Variants in TMEM168 observed in about 807,000 individuals in gnomAD.
TMEM168 encodes the protein transmembrane protein 168.
Under a neutral mutation model 53.2 loss-of-function variants are expected in TMEM168, and 40 were observed. That is an observed-to-expected ratio of 0.75 (90% CI 0.58 to 0.98). The LOEUF is 0.98. TMEM168 is among the 50% of genes least tolerant of loss of function. The pLI is 0.00. For missense variants in TMEM168, 771 were observed against 828.8 expected, an observed-to-expected ratio of 0.93 and a Z score of 0.86; for synonymous variants, 282 against 293.0, an observed-to-expected ratio of 0.96 and a Z score of 0.38.
chr7:112,790,123 G>T (rs1793508074), intron 1 of TMEM168, 37 bp downstream of exon 1: 3 of 152,514 alleles, frequency 2.0e-5, no homozygotes, highest in African/African-American at 7.2e-5. Context: ...TCTATGCCTA[G>T]ATCTCGCCGC....
At chr7:112,776,237 A>G (rs991889597) in intron 2 of TMEM168, among the ~76,000 whole-genome samples, 3 of 151,968 alleles carry the variant, frequency 2.0e-5, no homozygotes, top group South Asian at 4.1e-4. Context: ...AAAATTTAAC[A>G]GAAGAAAATA....
intron 2 of TMEM168, among the ~76,000 whole-genome samples, chr7:112,778,809 T>C (rs1309105518): frequency 6.6e-6 from 1 of 152,182 alleles, no homozygotes; most frequent in Non-Finnish European, 1.5e-5. Flanking sequence ...TAAGTAGATA[T>C]TTAGGGGTCT....
In TMEM168 at chr7:112,765,577, A is replaced by AACT. The variant is rs1792754933; in HGVS notation, c.*1617_*1619dup. The AACT allele has an allele frequency of 6.6e-6, 1 of 152,164 alleles. No homozygotes were observed. Among genetic ancestry groups the AACT allele is most frequent in the South Asian group, 2.1e-4 (1 of 4,834 alleles). The allele number at this position is 152,164 out of a possible 1,614,324, so 9.4% of individuals were successfully genotyped here. On this transcript the variant is annotated 3_prime_UTR_variant, in exon 5 of 5. Transcript: ENST00000312814. ...TACTGCTGAACAGAGCAATAAAAAA[A>AACT]ACTATACTATTTTATTTGGACAATA...
intron 4 of TMEM168, among the ~76,000 whole-genome samples, chr7:112,770,251 G>C (rs1470595812): frequency 6.6e-6 from 1 of 152,168 alleles, no homozygotes; most frequent in Non-Finnish European, 1.5e-5. Context: ...GGTTCAACCT[G>C]ACTACCCACA....
At position 112,784,527 on chromosome 7, in the gene TMEM168, C is replaced by A; in HGVS notation, c.299G>T (p.Gly100Val). The A allele has an allele frequency of 6.2e-7, 1 of 1,614,102 alleles. No individual in the cohort carries two copies. Among genetic ancestry groups the A allele is most frequent in the Non-Finnish European group, 8.5e-7 (1 of 1,180,008 alleles). Reference sequence around the variant, plus strand: ...AAAACATAGGAGGCCAAGCAAGAATCCAAACCAAAGATTGGAGAGACTTAA... The same window carrying A: ...AAAACATAGGAGGCCAAGCAAGAATACAAACCAAAGATTGGAGAGACTTAA... ...ASLSLSNLWF[G>V]FLLGLLCFLD... The change falls in exon 2 of 5, where the codon GGA (glycine) becomes GTA (valine). Residue 100 changes from glycine (G) to valine (V), a missense_variant. By Grantham distance (109) the Gly-to-Val change is moderately radical. Transcript: ENST00000312814.
intron 2 of TMEM168, among the ~76,000 whole-genome samples, chr7:112,775,713 G>T (rs895040757): frequency 4.0e-5 from 6 of 151,592 alleles, no homozygotes; most frequent in African/African-American, 1.5e-4. Flanking sequence ...TCAAATAACA[G>T]ATTTATTTAC....
In TMEM168 at chr7:112,767,540, T is replaced by C; in HGVS notation, c.1751A>G (p.Gln584Arg). Residue 584 changes from glutamine to arginine, a missense_variant, in exon 5 of 5, where the codon CAG becomes CGG. Physicochemically the swap from Gln to Arg is conservative, Grantham distance 43. Transcript: ENST00000312814. ...CCAGTCTTTTGTAAAGTCACCTAGCTGTGGCGGGTCAGCTTCTTCAATATC... is the reference window on the plus strand; with the variant it reads ...CCAGTCTTTTGTAAAGTCACCTAGCCGTGGCGGGTCAGCTTCTTCAATATC... ...TVDIEEADPP[Q>R]LGDFTKDWVE... is the part of the protein sequence containing the mutation. 3.7e-6 allele frequency: 6 copies of C among 1,614,168 alleles called. No individual in the cohort carries two copies. The highest frequency in any genetic ancestry group is 5.1e-6 in the Non-Finnish European group (6 of 1,180,016).
intron 4 of TMEM168, among the ~76,000 whole-genome samples, chr7:112,770,608 A>ATATG (rs147230528): frequency 4.0e-5 from 6 of 149,322 alleles, no homozygotes; most frequent in Admixed American, 3.3e-4. Context: ...AGATATATAT[A>ATATG]TGTGTGTGTG....
intron 4 of TMEM168, among the ~76,000 whole-genome samples, chr7:112,769,694 T>C (rs1792881136): frequency 6.6e-6 from 1 of 152,176 alleles, no homozygotes; most frequent in African/African-American, 2.4e-5. Context: ...CTAATATCCA[T>C]CTGATGCATT....
At chr7:112,771,892 T>C (rs1479481307) in intron 4 of TMEM168, among the ~76,000 whole-genome samples, 6 of 152,066 alleles carry the variant, frequency 3.9e-5, no homozygotes, top group Admixed American at 6.5e-5. Context: ...AAAATAACTA[T>C]TTCTAATCTA....
chr7:112,773,502 T>C (rs910793435), intron 3 of TMEM168, among the ~76,000 whole-genome samples: 1 of 151,982 alleles, frequency 6.6e-6, no homozygotes, highest in African/African-American at 2.4e-5. Context: ...TATTGAAAAA[T>C]AGTCAATAAA....
At chr7:112,780,917 T>C (rs1245831766) in intron 2 of TMEM168, among the ~76,000 whole-genome samples, 1 of 125,134 alleles carries the variant, frequency 8.0e-6, no homozygotes, top group Non-Finnish European at 1.6e-5. Flanking sequence ...GTGGTAGTGG[T>C]GGTCACACAA....
At position 112,784,488 on chromosome 7, in the gene TMEM168, G is replaced by A. The variant is rs1439298348; in HGVS notation, c.338C>T (p.Ser113Phe). Reference protein sequence around the residue: ...LGLLCFLDNSSFKNDVKEEST... With the variant: ...LGLLCFLDNSFFKNDVKEEST... ...TTCTTCTTTTACATCATTTTTAAAG[G>A]ATGAATTATCAAGAAAACATAGGAG... Residue 113 changes from serine (S) to phenylalanine (F), a missense_variant, in exon 2 of 5, where the codon TCC becomes TTC. Ser to Phe is a radical substitution (Grantham distance 155, BLOSUM62 -2). Coordinates refer to ENST00000312814, the MANE Select transcript of TMEM168 (RefSeq NM_022484.6). 1 of 1,613,976 alleles carries A rather than the reference G, an allele frequency of 6.2e-7. No individual in the cohort carries two copies. Among genetic ancestry groups the A allele is most frequent in the South Asian group, 1.1e-5 (1 of 91,058 alleles).
chr7:112,775,202 A>G lies in TMEM168; in HGVS notation c.1245T>C (p.Ala415=), dbSNP rs746304572. ...NCLGGTSVGY[A]IVIPTNFCSP... is the part of the protein sequence containing the mutation. ...TGCAGAAGTTGGTGGGAATCACAAT[A>G]GCATATCCAACAGATGTTCCTCCTA... The change falls in exon 3 of 5, where the codon GCT becomes GCC. Residue 415 remains alanine (A), a synonymous_variant. Transcript: ENST00000312814. 6.2e-7 allele frequency: 1 copy of G among 1,612,160 alleles called. No individual in the cohort carries two copies. The highest frequency in any genetic ancestry group is 1.7e-5 in the Admixed American group (1 of 59,784).
Position 112,782,718 on chromosome 7 carries a change from C to T in TMEM168, c.1128+980G>A, listed in dbSNP as rs1316860881. Among the ~76,000 whole-genome samples the T allele has an allele frequency of 3.3e-5, 5 of 152,306 alleles. No individual in the cohort carries two copies. In the South Asian group the frequency reaches 8.3e-4, roughly 25 times the overall value. ...CTTCAAAACACACTTCTAGAAATCA[C>T]TCAGCAGCAACAAACTGTTACAAAG... On this transcript the variant is annotated intron_variant, in intron 2 of 4. Coordinates refer to ENST00000312814, the MANE Select transcript of TMEM168 (RefSeq NM_022484.6).
In TMEM168 at chr7:112,773,064, G is replaced by A. The variant is rs779054316; in HGVS notation, c.1272-9C>T. 1 of 1,579,998 alleles carries A rather than the reference G, an allele frequency of 6.3e-7. No individual in the cohort carries two copies. The highest frequency in any genetic ancestry group is 8.6e-7 in the Non-Finnish European group (1 of 1,159,918). Reference sequence around the variant, plus strand: ...TTGGCTGACCATCAGGACTGAAGTAGGAGAAAAAACAAGAAGTACTCATTC... The same window carrying A: ...TTGGCTGACCATCAGGACTGAAGTAAGAGAAAAAACAAGAAGTACTCATTC... On this transcript the variant is annotated splice_polypyrimidine_tract_variant and intron_variant, in intron 3 of 4. Coordinates refer to ENST00000312814, the MANE Select transcript of TMEM168 (RefSeq NM_022484.6).
chr7:112,782,621 C>T (rs943062000), intron 2 of TMEM168, among the ~76,000 whole-genome samples: 1 of 152,194 alleles, frequency 6.6e-6, no homozygotes, highest in African/African-American at 2.4e-5. Context: ...CTGACTCCCA[C>T]ACAGGATCCC....
At position 112,766,975 on chromosome 7, in the gene TMEM168, A is replaced by T; in HGVS notation, c.*222T>A. On this transcript the variant is annotated 3_prime_UTR_variant, in exon 5 of 5. Transcript: ENST00000312814. ...TGCAGTGTTATTTTTAACGTCTCTT[A>T]TGCATTTACAGTAAGCATTTGACTC... 1.9e-6 allele frequency: 1 copy of T among 514,298 alleles called. No homozygotes were observed. The highest frequency in any genetic ancestry group is 3.4e-6 in the Non-Finnish European group (1 of 293,198). 31.9% of individuals were successfully genotyped at this position (514,298 alleles called of 1,614,324 possible). A position where few individuals can be genotyped will look rare whatever the true frequency, so the allele number is the denominator to read the frequency against.
chr7:112,777,585 T>C (rs1052894893), intron 2 of TMEM168, among the ~76,000 whole-genome samples: 1 of 152,206 alleles, frequency 6.6e-6, no homozygotes. Flanking sequence ...ATACTGCTCT[T>C]TCATGCTGCT....
Sources: gnomAD v4.1 joint callset for allele counts (sites outside exome capture counted in the v4.1 genomes callset) on GRCh38, gnomAD v4.1.1 for gene constraint, MANE v1.5 for transcripts, NCBI Gene and HGNC (gene_info 2026-07-23, HGNC 2026-07-21) for gene names.